The following KCNH1 variants were observed in gnomAD, a reference collection of about 807,000 sequenced individuals.
KCNH1 encodes the protein voltage-gated delayed rectifier potassium channel KCNH1.
Under a neutral mutation model 69.2 loss-of-function variants are expected in KCNH1, and 27 were observed. That is an observed-to-expected ratio of 0.39 (90% confidence interval 0.29 to 0.54). The LOEUF (loss-of-function observed/expected upper bound fraction) is 0.54. Among genes scored for constraint, KCNH1 ranks in the 20% least tolerant of loss-of-function variants. The probability of loss-of-function intolerance (pLI) is 0.68; values close to 1 mark genes in which losing one functional copy is unlikely to be tolerated. For synonymous variants in KCNH1, 456 were observed against 487.7 expected (o/e 0.93, Z 0.86); for missense variants, 798 against 1,261.6 (o/e 0.63, Z 5.57).
Position 211,005,367 on chromosome 1 carries a change from C to A in KCNH1, c.1032+13416G>T, listed in dbSNP as rs541307960. Among the ~76,000 whole-genome samples, 6 of 152,100 alleles carry A rather than the reference C, an allele frequency of 3.9e-5. No individual in the cohort carries two copies. In the East Asian group the frequency reaches 1.2e-3, roughly 29 times the overall value. On this transcript the variant is annotated intron_variant, in intron 6 of 10. Coordinates refer to ENST00000271751, the MANE Select transcript of KCNH1 (RefSeq NM_172362.3). ...GAAATAAAAACGTTAAAATTCATTA[C>A]AAAACTACATTGATTAACACAATGT...
intron 6 of KCNH1, among the ~76,000 whole-genome samples, chr1:210,987,455 GT>G (rs1218416429): frequency 6.6e-6 from 1 of 152,152 alleles, no homozygotes; most frequent in East Asian, 1.9e-4. Context: ...GTACAGATGG[GT>G]TTTTGGTGTG....
chr1:210,940,328 T>C lies in KCNH1; in HGVS notation c.1033-20259A>G, dbSNP rs143273895. On this transcript the variant is annotated intron_variant, in intron 6 of 10. Transcript: ENST00000271751. ...AGAAAACACAGCCTGTAAGCTGCAA[T>C]GCAGCAGCAAGCACAAGTTAGCTGC... Among the ~76,000 whole-genome samples, 1,349 of 152,298 alleles carry C rather than the reference T, an allele frequency of 8.9e-3. 21 individuals are homozygous for C. The highest frequency in any genetic ancestry group is 0.031 in the African/African-American group (1,276 of 41,566).
chr1:210,771,596 A>AT (rs1160482455), intron 10 of KCNH1, among the ~76,000 whole-genome samples: 1 of 151,942 alleles, frequency 6.6e-6, no homozygotes. Flanking sequence ...ATAATAAAGA[A>AT]TAGGGTATCA....
chr1:210,958,566 C>G (rs945566116), intron 6 of KCNH1, among the ~76,000 whole-genome samples: 19 of 152,212 alleles, frequency 1.2e-4, no homozygotes, highest in African/African-American at 4.3e-4. Context: ...TAGATTTGGT[C>G]TTTTCACATA....
intron 10 of KCNH1, among the ~76,000 whole-genome samples, chr1:210,742,498 C>G (rs1683055568): frequency 6.6e-6 from 1 of 152,224 alleles, no homozygotes; most frequent in African/African-American, 2.4e-5. Context: ...CCGCAGACCA[C>G]TGCGTCTCTG....
In KCNH1 at chr1:210,683,412, T is replaced by C. The variant is rs929816583; in HGVS notation, c.2839A>G (p.Ile947Val). 4.3e-6 allele frequency: 7 copies of C among 1,614,050 alleles called. No homozygotes were observed. In the African/African-American group the frequency reaches 8.0e-5, roughly 18 times the overall value. Residue 947 changes from isoleucine to valine, a missense_variant, in exon 11 of 11, where the codon ATT (isoleucine) becomes GTT (valine). This residue lies in a region of KCNH1 where 331 missense variants were observed against 363.2 expected (regional missense o/e 0.91). Coordinates refer to ENST00000271751, the MANE Select transcript of KCNH1 (RefSeq NM_172362.3). This position sits in a 1 kb window ranked among gnomAD's most constrained non-coding sequence, Gnocchi z 5.7. ...AGTATCTCAGAGAGCTGTTTCTCAA[T>C]ATTGGTCATTTTGGCGTTTAAGGCC... ...IKALNAKMTN[I>V]EKQLSEILRI...
intron 7 of KCNH1, among the ~76,000 whole-genome samples, chr1:210,823,417 G>A (rs1447368380): frequency 6.6e-6 from 1 of 152,176 alleles, no homozygotes; most frequent in Non-Finnish European, 1.5e-5. Flanking sequence ...GAACTCAGCT[G>A]TAACTGTCTT....
intron 6 of KCNH1, among the ~76,000 whole-genome samples, chr1:210,982,413 T>G (rs1688731168): frequency 6.6e-6 from 1 of 151,992 alleles, no homozygotes; most frequent in Admixed American, 6.6e-5. Flanking sequence ...ATGCTATCCC[T>G]CCCCCTTCCC....
chr1:211,046,633 G>T (rs1010368361), intron 5 of KCNH1, among the ~76,000 whole-genome samples: 1 of 152,174 alleles, frequency 6.6e-6, no homozygotes, highest in Non-Finnish European at 1.5e-5. Flanking sequence ...GCAGCCAAGT[G>T]TTAAAACCTT....
intron 6 of KCNH1, among the ~76,000 whole-genome samples, chr1:210,935,763 G>A (rs546099644): frequency 6.6e-5 from 10 of 152,314 alleles, no homozygotes; most frequent in Non-Finnish European, 1.2e-4. Context: ...AAGAGACAGT[G>A]AGAACCTATT....
At chr1:210,828,959 A>G (rs1222878911) in intron 7 of KCNH1, among the ~76,000 whole-genome samples, 1 of 152,228 alleles carries the variant, frequency 6.6e-6, no homozygotes, top group African/African-American at 2.4e-5. Flanking sequence ...AGGCTAACAG[A>G]TTAGAAGATT....
intron 6 of KCNH1, among the ~76,000 whole-genome samples, chr1:210,989,013 A>AT (rs1265160137): frequency 6.6e-6 from 1 of 151,972 alleles, no homozygotes; most frequent in African/African-American, 2.4e-5. Flanking sequence ...CTTAGATAAC[A>AT]TTTTTTTTCT....
At chr1:210,972,657 T>G (rs909293606) in intron 6 of KCNH1, among the ~76,000 whole-genome samples, 1 of 152,116 alleles carries the variant, frequency 6.6e-6, no homozygotes, top group African/African-American at 2.4e-5. Flanking sequence ...AGGGCAACAG[T>G]CATTTCAGTG....
chr1:211,006,693 G>T (rs1181242440), intron 6 of KCNH1, among the ~76,000 whole-genome samples: 1 of 151,962 alleles, frequency 6.6e-6, no homozygotes, highest in Non-Finnish European at 1.5e-5. Context: ...GAAATAATCA[G>T]AACTGTGACA....
chr1:210,860,324 C>T, intron 7 of KCNH1: 2 of 1,380,004 alleles, frequency 1.4e-6, no homozygotes, highest in Admixed American at 1.7e-5. Context: ...GAGATGTCCT[C>T]ATAGAATTCT....
rs144706702 is a variant in KCNH1 at position 210,684,141 on chromosome 1, GGAGA to G, written c.2113-7_2113-4del. ...TCGCTGATCTTCCGGAACACAATCT[GGAGA>G]GAGAGAGAGAGAGAATGACATGGCG... On this transcript the variant is annotated splice_region_variant and splice_polypyrimidine_tract_variant and intron_variant, in intron 10 of 10. Coordinates refer to ENST00000271751, the MANE Select transcript of KCNH1 (RefSeq NM_172362.3). 1.2e-4 allele frequency: 156 copies of G among 1,278,828 alleles called. No individual in the cohort carries two copies. Among genetic ancestry groups the G allele is most frequent in the South Asian group, 4.3e-4 (27 of 62,930 alleles). The allele number at this position is 1,278,828 out of a possible 1,614,324, so 79.2% of individuals were successfully genotyped here. A position where few individuals can be genotyped will look rare whatever the true frequency, so the allele number is the denominator to read the frequency against.
At chr1:210,776,577 A>G (rs181800067) in intron 9 of KCNH1, among the ~76,000 whole-genome samples, 6 of 152,214 alleles carry the variant, frequency 3.9e-5, no homozygotes, top group Admixed American at 1.3e-4. Context: ...TCTTTCTATC[A>G]CGTGAGGATA....
chr1:211,110,665 A>G (rs1461454634), intron 1 of KCNH1, among the ~76,000 whole-genome samples: 1 of 152,170 alleles, frequency 6.6e-6, no homozygotes, highest in Non-Finnish European at 1.5e-5. Flanking sequence ...AAGTTTAGGG[A>G]GAGCAAAGAG....
At chr1:210,939,341 C>T (rs896886733) in intron 6 of KCNH1, among the ~76,000 whole-genome samples, 6 of 151,880 alleles carry the variant, frequency 4.0e-5, no homozygotes, top group Admixed American at 6.6e-5. Context: ...ATATAGGGTG[C>T]CAAAAAGAGG....
Sources: allele counts gnomAD v4.1 joint callset (sites outside exome capture counted in the v4.1 genomes callset), GRCh38; gene constraint gnomAD v4.1.1; regional missense constraint gnomAD v4.1.1; non-coding constraint Gnocchi (gnomAD v3.1); transcripts MANE v1.5; gene names NCBI Gene and HGNC (gene_info 2026-07-23, HGNC 2026-07-21).